The following CX3CR1 variants were observed in gnomAD, a reference collection of about 807,000 sequenced individuals.
CX3CR1 encodes CX3C chemokine receptor 1.
For synonymous variants in CX3CR1, 168 were observed against 178.5 expected, an observed-to-expected ratio of 0.94 and a Z score of 0.47; for missense variants, 363 against 432.4, an observed-to-expected ratio of 0.84 and a Z score of 1.42.
At chr3:39,292,354 T>C in the CX3CR1 span, among the ~76,000 whole-genome samples, 1 of 152,134 alleles carries the variant, frequency 6.6e-6, no homozygotes, top group Non-Finnish European at 1.5e-5. Context: ...ATTTCTAAGT[T>C]CCTTGTGACT....
the CX3CR1 span, among the ~76,000 whole-genome samples, chr3:39,290,626 A>G: frequency 6.6e-6 from 1 of 152,184 alleles, no homozygotes; most frequent in Non-Finnish European, 1.5e-5. Context: ...AGCTACAGAT[A>G]AAAGGTCAGA....
intron 1 of CX3CR1, among the ~76,000 whole-genome samples, chr3:39,267,163 A>C (rs1559777270): frequency 6.6e-6 from 1 of 151,592 alleles, no homozygotes; most frequent in Admixed American, 6.6e-5. Context: ...AGCTAGTTTG[A>C]CCAATGTGTG....
intron 1 of CX3CR1, among the ~76,000 whole-genome samples, chr3:39,270,739 G>A (rs1036335523): frequency 2.0e-5 from 3 of 152,148 alleles, no homozygotes; most frequent in African/African-American, 7.2e-5. Flanking sequence ...CAGTTTTTAT[G>A]GTAAACTTTT....
In CX3CR1 at chr3:39,266,172, A is replaced by C. The variant is rs761301187; in HGVS notation, c.338T>G (p.Phe113Cys). 8 of 1,614,212 alleles carry C rather than the reference A, an allele frequency of 5.0e-6. No individual in the cohort carries two copies. The South Asian group carries it at 6.6e-5, about 13-fold the overall frequency. ...KFTTAFFFIG[F>C]FGSIFFITVI... ...GGTGATGAAGAATATGCTTCCAAAA[A>C]AGCCGATGAAGAAGAAGGCGGTAGT... Residue 113 changes from phenylalanine to cysteine, a missense_variant, in exon 2 of 2, where the codon TTT (phenylalanine) becomes TGT (cysteine). Phe to Cys is a radical substitution (Grantham distance 205). Coordinates refer to ENST00000399220, the MANE Select transcript of CX3CR1 (RefSeq NM_001337.4).
At chr3:39,286,071 C>T (rs896401629), upstream of CX3CR1, 1 of 152,190 alleles carries the variant, frequency 6.6e-6, no homozygotes, top group Non-Finnish European at 1.5e-5. Context: ...AGCCAGCTGG[C>T]CAGGGTATAA....
chr3:39,271,838 T>A (rs1168671191), intron 1 of CX3CR1, among the ~76,000 whole-genome samples: 1 of 152,240 alleles, frequency 6.6e-6, no homozygotes, highest in African/African-American at 2.4e-5. Context: ...TAAGGAAGAC[T>A]GAGCCTGAGC....
chr3:39,270,338 T>C (rs965275674), intron 1 of CX3CR1, among the ~76,000 whole-genome samples: 2 of 152,236 alleles, frequency 1.3e-5, no homozygotes, highest in Admixed American at 6.5e-5. Context: ...CTCAAGCAAG[T>C]GTGTACACTG....
the CX3CR1 span, chr3:39,287,774 T>C: frequency 6.6e-6 from 1 of 152,142 alleles, no homozygotes; most frequent in African/African-American, 2.4e-5. Flanking sequence ...GGCTGAGAGG[T>C]ATATTTCCTT....
At chr3:39,290,355 A>T in the CX3CR1 span, among the ~76,000 whole-genome samples, 1 of 152,164 alleles carries the variant, frequency 6.6e-6, no homozygotes, top group Non-Finnish European at 1.5e-5. Flanking sequence ...GGGGATGTTT[A>T]GTTTTGTGGT....
the CX3CR1 span, among the ~76,000 whole-genome samples, chr3:39,291,207 C>T: frequency 1.3e-5 from 2 of 151,920 alleles, no homozygotes; most frequent in Non-Finnish European, 2.9e-5. Flanking sequence ...CAAGGGCCTG[C>T]CACTATGTCC....
At chr3:39,290,566 T>C in the CX3CR1 span, among the ~76,000 whole-genome samples, 5 of 152,320 alleles carry the variant, frequency 3.3e-5, no homozygotes, top group East Asian at 9.6e-4. Flanking sequence ...GAGATTAAGC[T>C]GGAAGCTGAG....
At chr3:39,267,332 T>C (rs1353806314) in intron 1 of CX3CR1, among the ~76,000 whole-genome samples, 1 of 152,132 alleles carries the variant, frequency 6.6e-6, no homozygotes, top group African/African-American at 2.4e-5. Context: ...CCCCTTACTT[T>C]TCCATGAAGC....
upstream of CX3CR1, among the ~76,000 whole-genome samples, chr3:39,283,793 AATTATATATAT>A (rs1178968395): frequency 1.3e-4 from 8 of 63,926 alleles, no homozygotes; most frequent in East Asian, 5.3e-4. Flanking sequence ...AAAAAAAAAA[AATTATATATAT>A]ATATATATAT....
chr3:39,281,179 G>A (rs2040893993), upstream of CX3CR1: 2 of 1,022,328 alleles, frequency 2.0e-6, no homozygotes, highest in Admixed American at 5.4e-5. Flanking sequence ...TGCTCATGGT[G>A]GAAGAAGTCC....
In CX3CR1 at chr3:39,265,652, A is replaced by AC; in HGVS notation, c.857dup (p.Cys286TrpfsTer38). The AC allele has an allele frequency of 6.2e-7, 1 of 1,614,234 alleles. No homozygotes were observed. Among genetic ancestry groups the AC allele is most frequent in the Non-Finnish European group, 8.5e-7 (1 of 1,180,036 alleles). ...ATGCATAGATGAGAGGATTCAGGCA[A>AC]CAATGGCTAAATGCAACCGTCTCAG... On this transcript the variant is annotated frameshift_variant, in exon 2 of 2. Transcript: ENST00000399220. LOFTEE classifies it low-confidence loss of function (END_TRUNC).
intron 1 of CX3CR1, among the ~76,000 whole-genome samples, chr3:39,273,286 G>A (rs886179134): frequency 3.9e-5 from 6 of 152,184 alleles, no homozygotes; most frequent in African/African-American, 9.7e-5. Flanking sequence ...AATGGAATGC[G>A]GGATATTATT....
chr3:39,265,171 G>A lies in CX3CR1; in HGVS notation c.*271C>T. On this transcript the variant is annotated 3_prime_UTR_variant, in exon 2 of 2. Transcript: ENST00000399220. The stretch of plus-strand genomic sequence containing the variant: ...TCACCACCCTCATTTAACTAAACTA[G>A]TCTGAGTTGAATTTTTGTCATCTGC... 7.5e-6 allele frequency: 3 copies of A among 397,500 alleles called. No individual in the cohort carries two copies. Among genetic ancestry groups the A allele is most frequent in the Non-Finnish European group, 1.3e-5 (3 of 222,246 alleles). 24.6% of individuals were successfully genotyped at this position (397,500 alleles called of 1,614,324 possible). A position where few individuals can be genotyped will look rare whatever the true frequency, so the allele number is the denominator to read the frequency against.
chr3:39,272,613 T>C (rs2040791601), intron 1 of CX3CR1, among the ~76,000 whole-genome samples: 1 of 152,248 alleles, frequency 6.6e-6, no homozygotes, highest in African/African-American at 2.4e-5. Flanking sequence ...CTTACTGTTT[T>C]CTAAATCCAG....
chr3:39,289,784 G>C, the CX3CR1 span, among the ~76,000 whole-genome samples: 1 of 152,124 alleles, frequency 6.6e-6, no homozygotes, highest in African/African-American at 2.4e-5. Flanking sequence ...AACAGGACTG[G>C]TGTCCTTATC....
Sources: allele counts gnomAD v4.1 joint callset (sites outside exome capture counted in the v4.1 genomes callset), GRCh38; gene constraint gnomAD v4.1.1; transcripts MANE v1.5; gene names NCBI Gene and HGNC (gene_info 2026-07-23, HGNC 2026-07-21).